Variants in GABRG3 observed in about 807,000 individuals in gnomAD.
The protein encoded by GABRG3 is gamma-aminobutyric acid type A receptor subunit gamma3.
GABRG3 carries 25 observed loss-of-function variants against 48.8 expected under a neutral mutation model. The observed-to-expected ratio is 0.51, with a 90% CI of 0.37 to 0.72. GABRG3 has a LOEUF of 0.72. Among genes scored for constraint, GABRG3 ranks in the 30% least tolerant of loss-of-function variants. GABRG3 has a pLI of 0.00. For missense variants in GABRG3, 394 were observed against 577.9 expected (o/e 0.68, Z 3.26); for synonymous variants, 227 against 217.6 (o/e 1.04, Z -0.38).
At chr15:27,185,916 G>A (rs1252879256) in intron 3 of GABRG3, among the ~76,000 whole-genome samples, 2 of 151,452 alleles carry the variant, frequency 1.3e-5, no homozygotes, top group African/African-American at 4.8e-5. Context: ...CTTACACTGT[G>A]AAGATTCTAT....
intron 5 of GABRG3, among the ~76,000 whole-genome samples, chr15:27,479,602 G>A (rs1452279860): frequency 1.3e-5 from 2 of 152,222 alleles, no homozygotes; most frequent in African/African-American, 2.4e-5. Flanking sequence ...TAATATGTTT[G>A]CATACATATG....
intron 5 of GABRG3, among the ~76,000 whole-genome samples, chr15:27,382,232 C>T (rs1216617882): frequency 1.3e-5 from 2 of 152,098 alleles, no homozygotes; most frequent in African/African-American, 4.8e-5. Context: ...TTCTAACTTC[C>T]TTGCATGTTG....
chr15:27,308,340 A>T (rs531319714), intron 3 of GABRG3, among the ~76,000 whole-genome samples: 1 of 127,192 alleles, frequency 7.9e-6, no homozygotes, highest in Non-Finnish European at 1.7e-5. Context: ...ATATAAACAT[A>T]ATATAAACAT....
At chr15:27,192,225 G>C (rs1888337799) in intron 3 of GABRG3, among the ~76,000 whole-genome samples, 1 of 152,084 alleles carries the variant, frequency 6.6e-6, no homozygotes, top group African/African-American at 2.4e-5. Context: ...TTCTCAAGGA[G>C]TATCTTTGTG....
At chr15:27,119,211 A>G (rs998360807) in intron 3 of GABRG3, among the ~76,000 whole-genome samples, 1 of 152,130 alleles carries the variant, frequency 6.6e-6, no homozygotes, top group Non-Finnish European at 1.5e-5. Context: ...TTACACCTCT[A>G]TGCAACTGTC....
At chr15:27,135,206 G>A (rs1209337620) in intron 3 of GABRG3, among the ~76,000 whole-genome samples, 1 of 152,202 alleles carries the variant, frequency 6.6e-6, no homozygotes, top group African/African-American at 2.4e-5. Context: ...AGTTTTGATA[G>A]ATGGGATTGA....
intron 5 of GABRG3, chr15:27,363,783 AGGG>A (rs1895101285): frequency 6.6e-6 from 1 of 152,146 alleles, no homozygotes; most frequent in African/African-American, 2.4e-5. Context: ...GTATTATTCT[AGGG>A]GATATCAGCA....
At chr15:27,502,150 C>T (rs541123894) in intron 6 of GABRG3, among the ~76,000 whole-genome samples, 1 of 152,292 alleles carries the variant, frequency 6.6e-6, no homozygotes, top group South Asian at 2.1e-4. Context: ...TCAAATTTAA[C>T]ATGAAGTCTA....
At chr15:27,182,332 A>G (rs916019090) in intron 3 of GABRG3, among the ~76,000 whole-genome samples, 1 of 152,158 alleles carries the variant, frequency 6.6e-6, no homozygotes, top group Non-Finnish European at 1.5e-5. Flanking sequence ...TGTGTACGGT[A>G]TTTATTCAAA....
chr15:27,088,135 G>A (rs532757239), intron 3 of GABRG3, among the ~76,000 whole-genome samples: 25 of 151,872 alleles, frequency 1.6e-4, no homozygotes, highest in African/African-American at 5.3e-4. Flanking sequence ...GTGCACGCAT[G>A]TGTGTGGAGA....
chr15:27,142,415 A>G (rs191535760), intron 3 of GABRG3, among the ~76,000 whole-genome samples: 4 of 152,202 alleles, frequency 2.6e-5, no homozygotes, highest in African/African-American at 7.2e-5. Flanking sequence ...AAAGAGAGAA[A>G]TGATGAGGAA....
At chr15:27,287,380 A>G (rs1891647751) in intron 3 of GABRG3, among the ~76,000 whole-genome samples, 1 of 152,250 alleles carries the variant, frequency 6.6e-6, no homozygotes, top group African/African-American at 2.4e-5. Context: ...GTGATCCAGT[A>G]TTCAGAGATT....
In GABRG3 at chr15:27,236,097, T is replaced by C. The variant is rs551153770; in HGVS notation, c.271-90712T>C. On this transcript the variant is annotated intron_variant, in intron 3 of 9. Coordinates refer to ENST00000615808, the MANE Select transcript of GABRG3 (RefSeq NM_033223.5). This position sits in a 1 kb window ranked among gnomAD's most constrained non-coding sequence, Gnocchi z 4.4. ...GTAGCATATTCTGGTCTCCTAGTTATATATATTTTTGGCTGGTGTGTCCTG... is the reference window on the plus strand; with the variant it reads ...GTAGCATATTCTGGTCTCCTAGTTACATATATTTTTGGCTGGTGTGTCCTG... Among the ~76,000 whole-genome samples, 15 of 152,282 alleles carry C rather than the reference T, an allele frequency of 9.9e-5. No homozygotes were observed. In the South Asian group the frequency reaches 2.3e-3, roughly 23 times the overall value.
intron 5 of GABRG3, among the ~76,000 whole-genome samples, chr15:27,380,739 A>AC (rs895160471): frequency 7.6e-5 from 11 of 145,498 alleles, no homozygotes; most frequent in African/African-American, 2.8e-4. Flanking sequence ...CTCAGGGGCT[A>AC]CGGGGGGAGA....
chr15:27,212,738 C>A (rs1414332876), intron 3 of GABRG3, among the ~76,000 whole-genome samples: 1 of 152,198 alleles, frequency 6.6e-6, no homozygotes, highest in Non-Finnish European at 1.5e-5. Flanking sequence ...TTTCCCTCCC[C>A]CTGACCTTGG....
intron 3 of GABRG3, among the ~76,000 whole-genome samples, chr15:27,149,458 C>G (rs1349995220): frequency 2.0e-5 from 3 of 151,736 alleles, no homozygotes; most frequent in African/African-American, 4.8e-5. Context: ...TCTCAGCCTC[C>G]TTTTTTTTGC....
intron 3 of GABRG3, chr15:27,271,545 G>T (rs1331056281): frequency 2.2e-6 from 1 of 455,956 alleles, no homozygotes; most frequent in Admixed American, 2.3e-5. Context: ...CTCCCCAGAA[G>T]CTGGGGTGAG....
chr15:27,338,589 A>G (rs1206923772), intron 5 of GABRG3, among the ~76,000 whole-genome samples: 1 of 152,156 alleles, frequency 6.6e-6, no homozygotes, highest in East Asian at 1.9e-4. Flanking sequence ...TTCTCCATGC[A>G]TCGCAGGAGG....
chr15:27,203,894 T>A (rs1428331195), intron 3 of GABRG3, among the ~76,000 whole-genome samples: 1 of 152,138 alleles, frequency 6.6e-6, no homozygotes, highest in Non-Finnish European at 1.5e-5. Context: ...GTTGTTTGTT[T>A]TTTTCTTGTT....
Sources: gnomAD v4.1 joint callset for allele counts (sites outside exome capture counted in the v4.1 genomes callset) on GRCh38, gnomAD v4.1.1 for gene constraint, Gnocchi (gnomAD v3.1) non-coding constraint, MANE v1.5 for transcripts, NCBI Gene and HGNC (gene_info 2026-07-23, HGNC 2026-07-21) for gene names.